The following SMOC2 variants were observed in gnomAD, a reference collection of about 807,000 sequenced individuals.
SMOC2 encodes SPARC-related modular calcium-binding protein 2.
Under a neutral mutation model 61.4 loss-of-function variants are expected in SMOC2, and 39 were observed. The ratio of observed to expected loss-of-function variants is 0.64; its 90% CI spans 0.49 to 0.83. SMOC2 has a LOEUF of 0.83. SMOC2 is among the 40% of genes least tolerant of loss of function. The probability of loss-of-function intolerance (pLI) is 0.00; values close to 1 mark genes in which losing one functional copy is unlikely to be tolerated. For synonymous variants in SMOC2, 247 were observed against 239.9 expected (o/e 1.03, Z -0.27); for missense variants, 556 against 592.9 (o/e 0.94, Z 0.65).
At chr6:168,594,339 G>T (rs201490261) in intron 7 of SMOC2, among the ~76,000 whole-genome samples, 6 of 27,896 alleles carry the variant, frequency 2.2e-4, no homozygotes, top group African/African-American at 3.5e-4. Flanking sequence ...CTAGAGGATC[G>T]CCGAGCTCCT....
At chr6:168,568,772 A>T (rs1255843067) in intron 7 of SMOC2, among the ~76,000 whole-genome samples, 2 of 152,172 alleles carry the variant, frequency 1.3e-5, no homozygotes, top group African/African-American at 4.8e-5. Context: ...AGTCTGACTC[A>T]TATAGTATGC....
chr6:168,627,104 T>C (rs1786432990), intron 9 of SMOC2, among the ~76,000 whole-genome samples: 2 of 152,126 alleles, frequency 1.3e-5, no homozygotes, highest in African/African-American at 2.4e-5. Context: ...AAAATATGTA[T>C]AGAAAATTAC....
intron 1 of SMOC2, among the ~76,000 whole-genome samples, chr6:168,491,907 A>G (rs1172962482): frequency 1.3e-5 from 2 of 152,208 alleles, no homozygotes; most frequent in Non-Finnish European, 2.9e-5. Flanking sequence ...ATCGCTAACT[A>G]CATCGAAATA....
intron 1 of SMOC2, among the ~76,000 whole-genome samples, chr6:168,491,878 C>T (rs1378716756): frequency 2.6e-5 from 4 of 152,222 alleles, no homozygotes; most frequent in Non-Finnish European, 5.9e-5. Flanking sequence ...CTTAACTTCT[C>T]TCTGGAATAA....
intron 1 of SMOC2, among the ~76,000 whole-genome samples, chr6:168,484,827 C>T (rs367730985): frequency 2.0e-5 from 3 of 152,062 alleles, no homozygotes; most frequent in African/African-American, 4.8e-5. Context: ...GACATGATGC[C>T]GAGTGATAGA....
chr6:168,658,951 G>A (rs938098476), intron 11 of SMOC2, among the ~76,000 whole-genome samples: 1 of 149,890 alleles, frequency 6.7e-6, no homozygotes, highest in Non-Finnish European at 1.5e-5. Flanking sequence ...GGTGTGTGTG[G>A]TGTGTGTGTA....
intron 2 of SMOC2, among the ~76,000 whole-genome samples, chr6:168,512,414 G>A (rs1036711471): frequency 6.6e-6 from 1 of 152,170 alleles, no homozygotes; most frequent in East Asian, 1.9e-4. Context: ...AAGCCCTGGC[G>A]TGCTTTAGAA....
In SMOC2 at chr6:168,540,681, G is replaced by A. The variant is rs530277937; in HGVS notation, c.464-2944G>A. Among the ~76,000 whole-genome samples the A allele has an allele frequency of 1.4e-4, 22 of 152,230 alleles. No homozygotes were observed. In the South Asian group the frequency reaches 4.6e-3, roughly 32 times the overall value. Reference sequence around the variant, plus strand: ...TCATGTTGTCCTGATGAGAGGATGGGAGGGCAGGAACCTTGAGAAAAGCCC... The same window carrying A: ...TCATGTTGTCCTGATGAGAGGATGGAAGGGCAGGAACCTTGAGAAAAGCCC... On this transcript the variant is annotated intron_variant, in intron 4 of 12. Transcript: ENST00000356284.
Position 168,447,600 on chromosome 6 carries a change from G to C in SMOC2, c.84+6146G>C, listed in dbSNP as rs57941640. Reference sequence around the variant, plus strand: ...AGCCGAGGGCAGACATTTTTGGGGGGAAAGGGGTAGGCAAACTCTTAACAT... The same window carrying C: ...AGCCGAGGGCAGACATTTTTGGGGGCAAAGGGGTAGGCAAACTCTTAACAT... On this transcript the variant is annotated intron_variant, in intron 1 of 12. Coordinates refer to ENST00000356284, the MANE Select transcript of SMOC2 (RefSeq NM_001166412.2). Among the ~76,000 whole-genome samples, 683 of 152,240 alleles carry C rather than the reference G, an allele frequency of 4.5e-3. 7 individuals carry two copies. The highest frequency in any genetic ancestry group is 0.014 in the African/African-American group (599 of 41,538).
chr6:168,617,385 C>T (rs751694322), intron 9 of SMOC2, among the ~76,000 whole-genome samples: 6 of 152,190 alleles, frequency 3.9e-5, no homozygotes, highest in Non-Finnish European at 8.8e-5. Context: ...TTCTCACCGA[C>T]GTGGCTGAGC....
intron 9 of SMOC2, among the ~76,000 whole-genome samples, chr6:168,642,550 G>A (rs190360464): frequency 2.1e-4 from 32 of 152,240 alleles, no homozygotes; most frequent in African/African-American, 5.3e-4. Context: ...TGGTTAAAGC[G>A]CGTACCTGTC....
chr6:168,490,151 C>G (rs1029256470), intron 1 of SMOC2, among the ~76,000 whole-genome samples: 10 of 147,594 alleles, frequency 6.8e-5, no homozygotes, highest in African/African-American at 2.5e-4. Context: ...GTCTGGGTCC[C>G]CTTGGATCAC....
In SMOC2 at chr6:168,649,134, G is replaced by A. The variant is rs368723729; in HGVS notation, c.908-1547G>A. Among the ~76,000 whole-genome samples the A allele has an allele frequency of 1.7e-3, 259 of 152,342 alleles. 2 individuals are homozygous for A. Among genetic ancestry groups the A allele is most frequent in the African/African-American group, 5.2e-3 (217 of 41,580 alleles). On this transcript the variant is annotated intron_variant, in intron 9 of 12. Transcript: ENST00000356284. ...TTCCTCTGAGGGCCACGGGGAAGGC[G>A]GGGAAGGGGCCGTCCTCAGTCCCAC... is the stretch of plus-strand genomic sequence containing the variant.
intron 9 of SMOC2, among the ~76,000 whole-genome samples, chr6:168,611,951 C>T (rs1170946045): frequency 6.6e-6 from 1 of 152,186 alleles, no homozygotes; most frequent in Non-Finnish European, 1.5e-5. Flanking sequence ...TGGACTCTGC[C>T]CCGTGCCTCA....
chr6:168,546,051 T>A (rs758444164), intron 5 of SMOC2, among the ~76,000 whole-genome samples: 2 of 151,764 alleles, frequency 1.3e-5, no homozygotes, highest in Admixed American at 1.3e-4. Flanking sequence ...TTTGAGAGAT[T>A]GCTCAATGTT....
chr6:168,603,159 T>G (rs1785598437), intron 8 of SMOC2, among the ~76,000 whole-genome samples: 1 of 150,586 alleles, frequency 6.6e-6, no homozygotes, highest in African/African-American at 2.4e-5. Context: ...TGTGAAAGGG[T>G]GCCTGCGTCT....
At chr6:168,530,097 A>G (rs572610717) in intron 4 of SMOC2, among the ~76,000 whole-genome samples, 118 of 152,356 alleles carry the variant, frequency 7.7e-4, no homozygotes, top group Non-Finnish European at 3.1e-4. Context: ...CAGACTCTAT[A>G]AAAATTTGAA....
intron 9 of SMOC2, among the ~76,000 whole-genome samples, chr6:168,631,564 A>G (rs1786570396): frequency 6.6e-6 from 1 of 152,244 alleles, no homozygotes; most frequent in Non-Finnish European, 1.5e-5. Context: ...TGAAAACTTA[A>G]GGATTGGCAA....
At chr6:168,541,145 G>T (rs907970753) in intron 4 of SMOC2, among the ~76,000 whole-genome samples, 19 of 152,218 alleles carry the variant, frequency 1.2e-4, no homozygotes, top group Admixed American at 9.2e-4. Context: ...TCTTCCACCA[G>T]AAATTCGTAT....
Sources: gnomAD v4.1 joint callset for allele counts (sites outside exome capture counted in the v4.1 genomes callset) on GRCh38, gnomAD v4.1.1 for gene constraint, MANE v1.5 for transcripts, NCBI Gene and HGNC (gene_info 2026-07-23, HGNC 2026-07-21) for gene names.